The following ACOT12 variants were observed in gnomAD, a reference collection of about 807,000 sequenced individuals.
ACOT12 encodes acyl-CoA thioesterase 12.
A neutral mutation model predicts 67.7 loss-of-function variants in ACOT12; 51 were observed. That is an observed-to-expected ratio of 0.75 (90% CI 0.60 to 0.95). ACOT12 has a LOEUF of 0.95. Ranked by LOEUF, ACOT12 falls within the 40% of genes least tolerant of loss-of-function variation. The probability of loss-of-function intolerance (pLI) is 0.00; values close to 1 mark genes in which losing one functional copy is unlikely to be tolerated. For missense variants in ACOT12, 734 were observed against 708.1 expected, an observed-to-expected ratio of 1.04 and a Z score of -0.41; for synonymous variants, 251 against 244.6, an observed-to-expected ratio of 1.03 and a Z score of -0.24.
chr5:81,309,046 C>G, the ACOT12 span: 10 of 1,583,352 alleles, frequency 6.3e-6, no homozygotes, highest in Non-Finnish European at 7.8e-6. Flanking sequence ...ATGGTAAGTA[C>G]TGTTACCCTC....
intron 8 of ACOT12, 135 bp from the exon 9 acceptor site, chr5:81,344,350 C>T (rs1170683486): frequency 2.7e-5 from 22 of 819,748 alleles, no homozygotes; most frequent in Non-Finnish European, 5.5e-6. Context: ...CATGAACTGA[C>T]TTCATCAAGT....
At chr5:81,325,913 A>T (rs1349691384), downstream of ACOT12, among the ~76,000 whole-genome samples, 3 of 151,804 alleles carry the variant, frequency 2.0e-5, no homozygotes, top group African/African-American at 7.3e-5. Context: ...GGGCTCAAGC[A>T]ATCCTCCCAC....
intron 2 of ACOT12, among the ~76,000 whole-genome samples, chr5:81,374,282 G>A (rs1169148227): frequency 6.6e-6 from 1 of 152,158 alleles, no homozygotes; most frequent in Non-Finnish European, 1.5e-5. Context: ...AAACAGAAAG[G>A]AATAGCATCA....
chr5:81,355,360 C>T (rs767744903), intron 5 of ACOT12, among the ~76,000 whole-genome samples: 5 of 152,120 alleles, frequency 3.3e-5, no homozygotes, highest in Admixed American at 6.5e-5. Flanking sequence ...GGTTATAGAC[C>T]TGTTACAGTA....
chr5:81,319,744 A>G, the ACOT12 span, among the ~76,000 whole-genome samples: 1 of 151,102 alleles, frequency 6.6e-6, no homozygotes, highest in African/African-American at 2.4e-5. Context: ...ACCCATACCC[A>G]TTAGCAGTCA....
chr5:81,376,998 C>A (rs934246047), intron 2 of ACOT12, among the ~76,000 whole-genome samples: 1 of 152,162 alleles, frequency 6.6e-6, no homozygotes, highest in Non-Finnish European at 1.5e-5. Flanking sequence ...GTGAGGCCAG[C>A]ATCATCCTGA....
chr5:81,388,791 G>A (rs55805011), intron 1 of ACOT12, among the ~76,000 whole-genome samples: 5 of 152,106 alleles, frequency 3.3e-5, no homozygotes, highest in Admixed American at 2.0e-4. Flanking sequence ...GGAAGGAACC[G>A]GTGGGAGATA....
chr5:81,311,972 T>C, the ACOT12 span, among the ~76,000 whole-genome samples: 1 of 152,212 alleles, frequency 6.6e-6, no homozygotes, highest in Admixed American at 6.5e-5. Context: ...GTCACAACAC[T>C]ACGCAAATAA....
chr5:81,331,445 G>A (rs938036169), intron 13 of ACOT12, among the ~76,000 whole-genome samples: 3 of 152,230 alleles, frequency 2.0e-5, no homozygotes, highest in African/African-American at 7.2e-5. Flanking sequence ...GCTGAGGCAG[G>A]AGAATCGTTT....
intron 5 of ACOT12, among the ~76,000 whole-genome samples, chr5:81,359,222 C>T (rs998546032): frequency 2.0e-5 from 3 of 152,104 alleles, no homozygotes; most frequent in Non-Finnish European, 2.9e-5. Context: ...CCTCCCCTCC[C>T]TCATTGTGCT....
chr5:81,389,553 A>C (rs1177188311), intron 1 of ACOT12, among the ~76,000 whole-genome samples: 1 of 152,078 alleles, frequency 6.6e-6, no homozygotes, highest in Non-Finnish European at 1.5e-5. Context: ...TTGGAGACAG[A>C]GTCTCACTCT....
chr5:81,323,954 A>ATATT, the ACOT12 span, among the ~76,000 whole-genome samples: 2 of 148,668 alleles, frequency 1.3e-5, no homozygotes, highest in Non-Finnish European at 3.0e-5. Flanking sequence ...ATATATATAT[A>ATATT]TTTTTTAGAC....
chr5:81,387,519 G>A (rs1048560844), intron 1 of ACOT12, among the ~76,000 whole-genome samples: 1 of 149,226 alleles, frequency 6.7e-6, no homozygotes, highest in African/African-American at 2.5e-5. Flanking sequence ...ACCAACATGA[G>A]TATCTTGAGT....
At chr5:81,334,469 G>C (rs12517108) in intron 12 of ACOT12, among the ~76,000 whole-genome samples, 28,014 of 152,190 alleles carry the variant, frequency 0.18, 2,728 homozygotes, top group Admixed American at 0.23. Flanking sequence ...TGAGCAGCAC[G>C]GAAGAAACAA....
Position 81,345,775 on chromosome 5 carries a change from A to C in ACOT12, c.773+110T>G, listed in dbSNP as rs1296414514. 6 of 1,420,344 alleles carry C rather than the reference A, an allele frequency of 4.2e-6. No individual in the cohort carries two copies. In the African/African-American group the frequency reaches 4.3e-5, roughly 10 times the overall value. 88.0% of individuals were successfully genotyped at this position (1,420,344 alleles called of 1,614,324 possible). ...TCATGGATTTTGAAAATTGCATGAAAAAAATGGAATTTCACTAAAGTAGTT... is the reference window on the plus strand; with the variant it reads ...TCATGGATTTTGAAAATTGCATGAACAAAATGGAATTTCACTAAAGTAGTT... On this transcript the variant is annotated intron_variant, in intron 7 of 14. Coordinates refer to ENST00000307624, the MANE Select transcript of ACOT12 (RefSeq NM_130767.3).
the ACOT12 span, among the ~76,000 whole-genome samples, chr5:81,314,749 C>G: frequency 4.6e-5 from 7 of 152,152 alleles, no homozygotes; most frequent in African/African-American, 1.7e-4. Context: ...GGACAGGAGA[C>G]TTAGGGAAAA....
chr5:81,390,679 T>G (rs560818899), intron 1 of ACOT12, among the ~76,000 whole-genome samples: 1 of 151,332 alleles, frequency 6.6e-6, no homozygotes, highest in South Asian at 2.2e-4. Flanking sequence ...AATTTTTGTA[T>G]TTTTAGTAGA....
intron 1 of ACOT12, among the ~76,000 whole-genome samples, chr5:81,391,870 A>G (rs35626276): frequency 0.15 from 22,656 of 152,104 alleles, 2,107 homozygotes; most frequent in Admixed American, 0.21. Flanking sequence ...TGGAGAGAGA[A>G]ATATCAAGGA....
chr5:81,326,656 G>C (rs942160479), downstream of ACOT12, among the ~76,000 whole-genome samples: 2 of 152,172 alleles, frequency 1.3e-5, no homozygotes, highest in African/African-American at 2.4e-5. Context: ...ACCAAAGGCC[G>C]ATAACTTTTT....
Sources: gnomAD v4.1 joint callset for allele counts (sites outside exome capture counted in the v4.1 genomes callset) on GRCh38, gnomAD v4.1.1 for gene constraint, MANE v1.5 for transcripts, NCBI Gene and HGNC (gene_info 2026-07-23, HGNC 2026-07-21) for gene names.